EPB41L2: variants seen among roughly 807,000 people sequenced by gnomAD.
EPB41L2 encodes the protein band 4.1-like protein 2.
A neutral mutation model predicts 113.0 loss-of-function variants in EPB41L2; 43 were observed. The ratio of observed to expected loss-of-function variants is 0.38; its 90% CI spans 0.30 to 0.49. The LOEUF is 0.49. Ranked by LOEUF, EPB41L2 falls within the 20% of genes least tolerant of loss-of-function variation. The probability of loss-of-function intolerance (pLI) is 0.95; values close to 1 mark genes in which losing one functional copy is unlikely to be tolerated. For synonymous variants in EPB41L2, 442 were observed against 436.7 expected, an observed-to-expected ratio of 1.01 and a Z score of -0.15; for missense variants, 1,147 against 1,223.4, an observed-to-expected ratio of 0.94 and a Z score of 0.93.
intron 1 of EPB41L2, among the ~76,000 whole-genome samples, chr6:131,033,065 AG>A (rs1792544774): frequency 6.7e-6 from 1 of 149,992 alleles, no homozygotes; most frequent in Admixed American, 6.6e-5. Context: ...TAGTAGAGAC[AG>A]GGTTTCACCA....
At chr6:130,989,329 C>T (rs917308917) in intron 1 of EPB41L2, among the ~76,000 whole-genome samples, 5 of 152,164 alleles carry the variant, frequency 3.3e-5, no homozygotes, top group African/African-American at 1.2e-4. Context: ...CTCCACAAGG[C>T]TGTATAATGT....
chr6:131,029,393 A>T (rs9375799), intron 1 of EPB41L2, among the ~76,000 whole-genome samples: 34,215 of 128,116 alleles, frequency 0.27, 4,316 homozygotes, highest in East Asian at 0.51. Flanking sequence ...CATTTGTTTA[A>T]AAAAAAAAAA....
At chr6:130,975,397 T>C (rs1019849663) in intron 1 of EPB41L2, among the ~76,000 whole-genome samples, 8 of 152,200 alleles carry the variant, frequency 5.3e-5, no homozygotes, top group African/African-American at 1.9e-4. Context: ...GAATTTTATC[T>C]TAAACCCAGT....
At chr6:131,046,306 T>C (rs988456436) in intron 1 of EPB41L2, among the ~76,000 whole-genome samples, 2 of 152,130 alleles carry the variant, frequency 1.3e-5, no homozygotes, top group African/African-American at 4.8e-5. Context: ...TTAGGATTTA[T>C]TTCAGGGTAC....
At chr6:130,942,439 A>G (rs981860244) in intron 3 of EPB41L2, among the ~76,000 whole-genome samples, 1 of 152,240 alleles carries the variant, frequency 6.6e-6, no homozygotes, top group Non-Finnish European at 1.5e-5. Flanking sequence ...TAGAAAAGAA[A>G]TCAAAGACTA....
At chr6:131,024,741 G>A (rs1343267255) in intron 1 of EPB41L2, among the ~76,000 whole-genome samples, 1 of 152,094 alleles carries the variant, frequency 6.6e-6, no homozygotes, top group Non-Finnish European at 1.5e-5. Flanking sequence ...GTCACAGATC[G>A]TAGACTACCC....
At chr6:130,914,028 T>C (rs1249090436) in intron 4 of EPB41L2, among the ~76,000 whole-genome samples, 2 of 152,200 alleles carry the variant, frequency 1.3e-5, no homozygotes, top group African/African-American at 2.4e-5. Flanking sequence ...TGGCCACATA[T>C]ATAAACCGTG....
chr6:130,904,345 C>T, intron 6 of EPB41L2, 120 bp downstream of exon 6: 1 of 588,004 alleles, frequency 1.7e-6, no homozygotes. Flanking sequence ...AAGGAAACTT[C>T]TAAAACTTAA....
In EPB41L2 at chr6:130,901,187, G is replaced by C; in HGVS notation, c.930-7C>G. The C allele has an allele frequency of 6.2e-7, 1 of 1,612,268 alleles. No homozygotes were observed. Among genetic ancestry groups the C allele is most frequent in the Non-Finnish European group, 8.5e-7 (1 of 1,179,662 alleles). The stretch of plus-strand genomic sequence containing the variant: ...CTGAAGGCACAAGAAGTATCTGTGA[G>C]GAGCAGAGGGAGAAATGGGTCAGGG... On this transcript the variant is annotated splice_polypyrimidine_tract_variant and splice_region_variant and intron_variant, in intron 6 of 19. Coordinates refer to ENST00000337057, the MANE Select transcript of EPB41L2 (RefSeq NM_001431.4).
At chr6:131,000,796 G>A (rs1264370491) in intron 1 of EPB41L2, 1 of 152,348 alleles carries the variant, frequency 6.6e-6, no homozygotes, top group African/African-American at 2.4e-5. Flanking sequence ...TAGTGCTTAA[G>A]TCAGAGGGGC....
chr6:130,843,731 C>T (rs1776196553), intron 19 of EPB41L2, among the ~76,000 whole-genome samples: 1 of 152,194 alleles, frequency 6.6e-6, no homozygotes, highest in Admixed American at 6.5e-5. Flanking sequence ...TAGTCACATT[C>T]CTTAGTCTAT....
intron 4 of EPB41L2, among the ~76,000 whole-genome samples, chr6:130,918,748 T>A (rs887917785): frequency 6.6e-6 from 1 of 152,200 alleles, no homozygotes; most frequent in African/African-American, 2.4e-5. Flanking sequence ...TCACTCACCT[T>A]TACTTTATAA....
At chr6:131,060,452 G>C (rs1469241440) in intron 1 of EPB41L2, among the ~76,000 whole-genome samples, 3 of 152,196 alleles carry the variant, frequency 2.0e-5, no homozygotes, top group Non-Finnish European at 4.4e-5. Context: ...GAAAGCAAGT[G>C]GTTGGGTAGT....
intron 1 of EPB41L2, among the ~76,000 whole-genome samples, chr6:130,994,976 C>T (rs574325586): frequency 6.6e-6 from 1 of 152,184 alleles, no homozygotes; most frequent in Admixed American, 6.5e-5. Flanking sequence ...TCCCACCCCA[C>T]CTTTCCAGAC....
intron 2 of EPB41L2, among the ~76,000 whole-genome samples, chr6:130,955,660 A>G (rs189838571): frequency 1.4e-4 from 21 of 152,348 alleles, no homozygotes; most frequent in Middle Eastern, 3.4e-3. Context: ...AAATGCGCAC[A>G]CACAAATCTA....
chr6:130,912,110 G>A (rs1395964182), intron 4 of EPB41L2, among the ~76,000 whole-genome samples: 1 of 152,086 alleles, frequency 6.6e-6, no homozygotes, highest in African/African-American at 2.4e-5. Context: ...ATGAGACTCT[G>A]ACTAACGCTT....
At chr6:130,845,782 C>T (rs114447106) in intron 19 of EPB41L2, among the ~76,000 whole-genome samples, 1 of 152,304 alleles carries the variant, frequency 6.6e-6, no homozygotes, top group Non-Finnish European at 1.5e-5. Flanking sequence ...AATTTTCCTA[C>T]ATCTCAAGCC....
intron 1 of EPB41L2, among the ~76,000 whole-genome samples, chr6:131,035,986 A>G (rs1259339432): frequency 6.6e-6 from 1 of 152,208 alleles, no homozygotes; most frequent in East Asian, 1.9e-4. Flanking sequence ...ACATCTTCAA[A>G]GTGAAAAGTG....
intron 1 of EPB41L2, among the ~76,000 whole-genome samples, chr6:131,042,560 G>T (rs1013722517): frequency 6.6e-6 from 1 of 152,052 alleles, no homozygotes; most frequent in African/African-American, 2.4e-5. Context: ...TCCTTCAAAG[G>T]ATCACTATAG....
Sources: allele counts gnomAD v4.1 joint callset (sites outside exome capture counted in the v4.1 genomes callset), GRCh38; gene constraint gnomAD v4.1.1; transcripts MANE v1.5; gene names NCBI Gene and HGNC (gene_info 2026-07-23, HGNC 2026-07-21).